The following DLGAP2 variants were observed in gnomAD, a reference collection of about 807,000 sequenced individuals.
DLGAP2 encodes disks large-associated protein 2.
Under a neutral mutation model 100.3 loss-of-function variants are expected in DLGAP2, and 26 were observed. The ratio of observed to expected loss-of-function variants is 0.26; its 90% CI spans 0.19 to 0.36. The LOEUF is 0.36. DLGAP2 is among the 10% of genes least tolerant of loss of function. The probability of loss-of-function intolerance (pLI) is 1.00; values close to 1 mark genes in which losing one functional copy is unlikely to be tolerated. For missense variants in DLGAP2, 1,858 were observed against 1,453.2 expected (o/e 1.28, Z -4.53); for synonymous variants, 886 against 630.1 (o/e 1.41, Z -6.08).
intron 1 of DLGAP2, among the ~76,000 whole-genome samples, chr8:766,019 C>T (rs1458514443): frequency 1.3e-5 from 2 of 152,046 alleles, no homozygotes; most frequent in African/African-American, 4.8e-5. Flanking sequence ...ATACAAAAAT[C>T]AGCTGGGCGT....
intron 2 of DLGAP2, among the ~76,000 whole-genome samples, chr8:1,167,518 G>C (rs1797041319): frequency 6.6e-6 from 1 of 152,302 alleles, no homozygotes; most frequent in East Asian, 1.9e-4. Flanking sequence ...CAGTGTTGCA[G>C]ACCCAGGGGA....
intron 3 of DLGAP2, among the ~76,000 whole-genome samples, chr8:1,273,431 G>A (rs187308009): frequency 2.0e-5 from 3 of 152,158 alleles, no homozygotes; most frequent in African/African-American, 7.2e-5. Flanking sequence ...AGACCCAGGG[G>A]GTCAATGTGC....
chr8:1,387,303 A>C (rs529066785), intron 3 of DLGAP2, among the ~76,000 whole-genome samples: 21 of 152,382 alleles, frequency 1.4e-4, no homozygotes, highest in Admixed American at 2.6e-4. Flanking sequence ...AAGTGTATAC[A>C]TGAAAAATTA....
intron 2 of DLGAP2, among the ~76,000 whole-genome samples, chr8:974,286 C>T (rs139679784): frequency 4.1e-4 from 62 of 152,146 alleles, no homozygotes; most frequent in African/African-American, 1.4e-3. Context: ...AAATGGCTCA[C>T]GTACAGAGGG....
intron 3 of DLGAP2, among the ~76,000 whole-genome samples, chr8:1,387,190 G>C (rs1796240536): frequency 6.6e-6 from 1 of 152,194 alleles, no homozygotes. Flanking sequence ...GTGAGGGCTT[G>C]TCTGTGGGAA....
At chr8:1,058,842 G>C (rs931341209) in intron 2 of DLGAP2, among the ~76,000 whole-genome samples, 1 of 152,228 alleles carries the variant, frequency 6.6e-6, no homozygotes, top group African/African-American at 2.4e-5. Context: ...GACTTCATGT[G>C]AGTTCCTGGA....
chr8:1,541,899 A>G (rs2019514), intron 4 of DLGAP2, among the ~76,000 whole-genome samples: 137,552 of 152,174 alleles, frequency 0.9, 62,469 homozygotes, highest in East Asian at 1. Flanking sequence ...CTCCACAATC[A>G]TGGTCACGGA....
At chr8:1,620,887 C>T (rs1394132161) in intron 6 of DLGAP2, among the ~76,000 whole-genome samples, 2 of 152,216 alleles carry the variant, frequency 1.3e-5, no homozygotes, top group Non-Finnish European at 2.9e-5. Flanking sequence ...GGGTGTCCCT[C>T]ACAGTTTCCC....
At chr8:1,439,761 A>T (rs769019892) in intron 3 of DLGAP2, among the ~76,000 whole-genome samples, 20 of 151,380 alleles carry the variant, frequency 1.3e-4, no homozygotes, top group Non-Finnish European at 2.4e-4. Context: ...CCCTCTCCCC[A>T]CCATCCCCCA....
intron 3 of DLGAP2, among the ~76,000 whole-genome samples, chr8:1,294,626 C>T (rs1414401513): frequency 6.6e-6 from 1 of 152,156 alleles, no homozygotes; most frequent in Non-Finnish European, 1.5e-5. Flanking sequence ...AGTACATAGG[C>T]TTTTTATTAT....
At position 1,701,907 on chromosome 8, in the gene DLGAP2, C is replaced by CT. The variant is rs1245047481; in HGVS notation, c.*505dup. 6.5e-6 allele frequency: 1 copy of CT among 153,174 alleles called. No individual in the cohort carries two copies. Among genetic ancestry groups the CT allele is most frequent in the Non-Finnish European group, 1.5e-5 (1 of 68,852 alleles). 9.5% of individuals were successfully genotyped at this position (153,174 alleles called of 1,614,324 possible). A position where few individuals can be genotyped will look rare whatever the true frequency, so the allele number is the denominator to read the frequency against. On this transcript the variant is annotated 3_prime_UTR_variant, in exon 15 of 15. Coordinates refer to ENST00000637795, the MANE Select transcript of DLGAP2 (RefSeq NM_001346810.2). ...GGCCCATTCCCCTCGCACAGCCGAG[C>CT]TTTTACTCCCTGAGCACGGGCCGCT...
intron 2 of DLGAP2, among the ~76,000 whole-genome samples, chr8:984,169 A>T (rs371202107): frequency 1.3e-5 from 2 of 152,282 alleles, no homozygotes; most frequent in African/African-American, 4.8e-5. Flanking sequence ...AAGAATCTTG[A>T]ATTGAGACTT....
chr8:1,298,938 G>C (rs545957466), intron 3 of DLGAP2, among the ~76,000 whole-genome samples: 2 of 152,088 alleles, frequency 1.3e-5, no homozygotes, highest in Non-Finnish European at 2.9e-5. Context: ...CCCAGGGCCA[G>C]GGTCGAGCTG....
At chr8:1,009,081 T>G (rs981914075) in intron 2 of DLGAP2, among the ~76,000 whole-genome samples, 3 of 151,936 alleles carry the variant, frequency 2.0e-5, no homozygotes, top group African/African-American at 7.3e-5. Context: ...CAGGCAGGAG[T>G]GTAGCTGCAC....
intron 4 of DLGAP2, among the ~76,000 whole-genome samples, chr8:1,512,957 G>A (rs1223746307): frequency 3.3e-5 from 5 of 152,268 alleles, no homozygotes; most frequent in Non-Finnish European, 7.3e-5. Context: ...GAGAAAGATG[G>A]GAGAGGCCAC....
intron 8 of DLGAP2, among the ~76,000 whole-genome samples, chr8:1,638,416 C>T (rs1356393746): frequency 2.6e-5 from 4 of 152,054 alleles, no homozygotes; most frequent in Admixed American, 6.5e-5. Flanking sequence ...CCTCAGTTTT[C>T]CCAGCGCCTT....
chr8:1,287,694 A>AGTGT lies in DLGAP2; in HGVS notation c.106+28834_106+28837dup, dbSNP rs1271962722. Among the ~76,000 whole-genome samples, 86 of 57,754 alleles carry AGTGT rather than the reference A, an allele frequency of 1.5e-3. 2 individuals are homozygous for AGTGT. Among genetic ancestry groups the AGTGT allele is most frequent in the Non-Finnish European group, 2.0e-3 (72 of 35,222 alleles). 37.9% of individuals were successfully genotyped at this position (57,754 alleles called of 152,430 possible). ...TTAGGAGGGGAACTAGTTTCGGTTC[A>AGTGT]GTGTGTGTGTGTGTGTGTGTGTGTG... On this transcript the variant is annotated intron_variant, in intron 3 of 14. Coordinates refer to ENST00000637795, the MANE Select transcript of DLGAP2 (RefSeq NM_001346810.2).
chr8:758,424 A>G (rs1052735173), intron 1 of DLGAP2, among the ~76,000 whole-genome samples: 38 of 152,344 alleles, frequency 2.5e-4, no homozygotes, highest in Middle Eastern at 6.8e-3. Context: ...TATTTTAAAT[A>G]AAAGTAACAT....
chr8:853,276 G>T (rs765115443), intron 1 of DLGAP2, among the ~76,000 whole-genome samples: 5 of 152,186 alleles, frequency 3.3e-5, no homozygotes, highest in African/African-American at 4.8e-5. Flanking sequence ...AAACGAGATG[G>T]AAGCTTCCAG....
Sources: allele counts gnomAD v4.1 joint callset (sites outside exome capture counted in the v4.1 genomes callset), GRCh38; gene constraint gnomAD v4.1.1; transcripts MANE v1.5; gene names NCBI Gene and HGNC (gene_info 2026-07-23, HGNC 2026-07-21).